Variants in NBEAL1 observed in about 807,000 individuals in gnomAD.
NBEAL1 encodes neurobeachin like 1.
In NBEAL1, 273 loss-of-function variants were observed where a neutral mutation model predicts 351.3. The ratio of observed to expected loss-of-function variants is 0.78; its 90% CI spans 0.70 to 0.86. The LOEUF is 0.86. Ranked by LOEUF, NBEAL1 falls within the 40% of genes least tolerant of loss-of-function variation. NBEAL1 has a pLI of 0.00. For missense variants in NBEAL1, 2,961 were observed against 3,201.3 expected (o/e 0.92, Z 1.81); for synonymous variants, 1,050 against 1,086.4 (o/e 0.97, Z 0.66).
intron 55 of NBEAL1, among the ~76,000 whole-genome samples, chr2:203,215,072 A>T (rs903979710): frequency 3.9e-5 from 6 of 152,000 alleles, no homozygotes; most frequent in Non-Finnish European, 8.8e-5. Flanking sequence ...AAAAGCAACC[A>T]TTAGGCCTGG....
At chr2:203,195,552 G>A (rs912094613) in intron 47 of NBEAL1, among the ~76,000 whole-genome samples, 1 of 152,112 alleles carries the variant, frequency 6.6e-6, no homozygotes, top group Non-Finnish European at 1.5e-5. Flanking sequence ...TCAGTGATTT[G>A]CCAGAAAGAC....
chr2:203,147,868 A>G (rs2063550693), intron 33 of NBEAL1, among the ~76,000 whole-genome samples: 1 of 151,932 alleles, frequency 6.6e-6, no homozygotes, highest in South Asian at 2.1e-4. Context: ...ATACTGTTAT[A>G]TTTCCCTGAG....
rs2065949081 is a variant in NBEAL1, at chr2:203,221,017, A to G, written c.*3663A>G. On this transcript the variant is annotated 3_prime_UTR_variant, in exon 56 of 56. Transcript: ENST00000683969. ...TTAGGGCATATTAAAATTATCCTTCAGAGTACTTGTATTGAAAATCAAGTT... is the reference window on the plus strand; with the variant it reads ...TTAGGGCATATTAAAATTATCCTTCGGAGTACTTGTATTGAAAATCAAGTT... 6.6e-6 allele frequency among the ~76,000 whole-genome samples: 1 copy of G among 152,146 alleles called. No homozygotes were observed.
In NBEAL1 at chr2:203,031,386, A is replaced by G. The variant is rs970374738; in HGVS notation, c.52-10379A>G. ...ATTATATCCTGTTGCTCTGTTCTCA[A>G]TGCCTTTCTTTGTATACAATTTCAT... is the stretch of plus-strand genomic sequence containing the variant. On this transcript the variant is annotated intron_variant, in intron 2 of 55. Transcript: ENST00000683969. Among the ~76,000 whole-genome samples the G allele has an allele frequency of 7.2e-5, 11 of 152,224 alleles. No individual in the cohort carries two copies. In the East Asian group the frequency reaches 7.7e-4, roughly 11 times the overall value.
chr2:203,187,730 G>A (rs951368170), intron 44 of NBEAL1, among the ~76,000 whole-genome samples: 42 of 146,340 alleles, frequency 2.9e-4, no homozygotes, highest in Non-Finnish European at 4.9e-4. Flanking sequence ...GCGACAGAGC[G>A]AGAGACTTCG....
intron 19 of NBEAL1, among the ~76,000 whole-genome samples, chr2:203,122,570 T>C (rs1478122026): frequency 6.6e-6 from 1 of 152,236 alleles, no homozygotes; most frequent in Non-Finnish European, 1.5e-5. Context: ...AGCAGGTCTT[T>C]GGATAATGTC....
At chr2:203,088,966 A>G (rs2062015830) in intron 10 of NBEAL1, among the ~76,000 whole-genome samples, 1 of 152,158 alleles carries the variant, frequency 6.6e-6, no homozygotes, top group Non-Finnish European at 1.5e-5. Context: ...GAGGAGGGGA[A>G]TGTAAAAGAG....
chr2:203,043,872 A>G (rs907700966), intron 3 of NBEAL1, among the ~76,000 whole-genome samples: 4 of 152,166 alleles, frequency 2.6e-5, no homozygotes, highest in African/African-American at 9.7e-5. Context: ...CAGAAGTAGT[A>G]AAGGAGAATT....
At chr2:203,026,703 C>T (rs1218738983) in intron 2 of NBEAL1, among the ~76,000 whole-genome samples, 2 of 152,054 alleles carry the variant, frequency 1.3e-5, no homozygotes, top group Non-Finnish European at 2.9e-5. Context: ...TTAGTAGAGA[C>T]AGTGTTTCAC....
At position 203,221,472 on chromosome 2, in the gene NBEAL1, A is replaced by AAG. The variant is rs2065953250; in HGVS notation, c.*4119_*4120insGA. 1.3e-5 allele frequency among the ~76,000 whole-genome samples: 2 copies of AAG among 152,074 alleles called. No homozygotes were observed. Among genetic ancestry groups the AAG allele is most frequent in the Non-Finnish European group, 2.9e-5 (2 of 67,996 alleles). ...TGTATATTTAAACCTGTCTTCTGGA[A>AAG]ACAGGTTCTTGAACCTATCTTTAGG... is the stretch of plus-strand genomic sequence containing the variant. On this transcript the variant is annotated 3_prime_UTR_variant, in exon 56 of 56. Transcript: ENST00000683969.
chr2:203,048,553 T>C (rs562200320), intron 3 of NBEAL1, among the ~76,000 whole-genome samples: 23 of 152,246 alleles, frequency 1.5e-4, no homozygotes, highest in African/African-American at 5.5e-4. Context: ...CTTGTGCTCA[T>C]CTGCGTAGCC....
rs559644314 is a variant in NBEAL1, at chr2:203,112,927, T to C, written c.2203-88T>C. 1.7e-3 allele frequency: 1,985 copies of C among 1,199,892 alleles called. 10 individuals are homozygous for C. The highest frequency in any genetic ancestry group is 8.2e-3 in the Middle Eastern group (40 of 4,906). The allele number at this position is 1,199,892 out of a possible 1,614,324, so 74.3% of individuals were successfully genotyped here. On this transcript the variant is annotated intron_variant, in intron 16 of 55. Coordinates refer to ENST00000683969, the MANE Select transcript of NBEAL1 (RefSeq NM_001378026.1). ...ATTTTCAATGTATTTATTTGTGTAA[T>C]TTTATGTACTATTTTATTGTGTAAT... is the stretch of plus-strand genomic sequence containing the variant.
intron 43 of NBEAL1, chr2:203,182,335 A>G (rs992179084): frequency 6.6e-6 from 1 of 152,192 alleles, no homozygotes; most frequent in Non-Finnish European, 1.5e-5. Context: ...GGCAGATCCA[A>G]CAGTATCGCA....
chr2:203,152,349 C>T (rs2063677740), intron 35 of NBEAL1, among the ~76,000 whole-genome samples: 1 of 137,816 alleles, frequency 7.3e-6, no homozygotes, highest in African/African-American at 2.7e-5. Context: ...ATGCCTTTTT[C>T]TAGAAAAAAA....
intron 2 of NBEAL1, among the ~76,000 whole-genome samples, chr2:203,028,258 C>T (rs542911271): frequency 1.3e-5 from 2 of 151,824 alleles, no homozygotes; most frequent in Admixed American, 6.6e-5. Flanking sequence ...TGTAAGCAAT[C>T]CTTATGCCTC....
At chr2:203,106,885 T>C (rs2062451738) in intron 12 of NBEAL1, among the ~76,000 whole-genome samples, 1 of 152,188 alleles carries the variant, frequency 6.6e-6, no homozygotes, top group African/African-American at 2.4e-5. Flanking sequence ...GACATAGAAC[T>C]TCCTAAAATG....
chr2:203,200,589 G>C (rs1327624468), intron 49 of NBEAL1, among the ~76,000 whole-genome samples: 2 of 151,958 alleles, frequency 1.3e-5, no homozygotes, highest in African/African-American at 2.4e-5. Context: ...AGCTACTCGG[G>C]GGGCTGAGGC....
At chr2:203,209,915 GT>G (rs1018004391) in intron 53 of NBEAL1, among the ~76,000 whole-genome samples, 1 of 151,814 alleles carries the variant, frequency 6.6e-6, no homozygotes, top group Non-Finnish European at 1.5e-5. Flanking sequence ...CACCTGGCTA[GT>G]TTTTTTTAAT....
chr2:203,177,736 G>T (rs991417377), intron 42 of NBEAL1, among the ~76,000 whole-genome samples: 1 of 151,978 alleles, frequency 6.6e-6, no homozygotes, highest in East Asian at 1.9e-4. Flanking sequence ...AAATATAGAG[G>T]GGCTGGGTGT....
Sources: gnomAD v4.1 joint callset for allele counts (sites outside exome capture counted in the v4.1 genomes callset) on GRCh38, gnomAD v4.1.1 for gene constraint, MANE v1.5 for transcripts, NCBI Gene and HGNC (gene_info 2026-07-23, HGNC 2026-07-21) for gene names.